ZNF567: variants seen among roughly 807,000 people sequenced by gnomAD.
ZNF567 encodes zinc finger protein 567.
In ZNF567, 36 loss-of-function variants were observed where a neutral mutation model predicts 53.9. The ratio of observed to expected loss-of-function variants is 0.67; its 90% confidence interval spans 0.51 to 0.88. The LOEUF is 0.88. Ranked by LOEUF, ZNF567 falls within the 40% of genes least tolerant of loss-of-function variation. The pLI is 0.00. For missense variants in ZNF567, 619 were observed against 764.7 expected (o/e 0.81, Z 2.25); for synonymous variants, 224 against 260.4 (o/e 0.86, Z 1.35).
At chr19:36,714,538 C>T in intron 5 of ZNF567, 1 of 398,178 alleles carries the variant, frequency 2.5e-6, no homozygotes, top group Non-Finnish European at 4.4e-6. Flanking sequence ...TGGTCCTCTC[C>T]TTACTTACTT....
In ZNF567 at chr19:36,712,850, C is replaced by T. The variant is rs201366354; in HGVS notation, c.206C>T (p.Ala69Val). The T allele has an allele frequency of 3.1e-6, 5 of 1,613,914 alleles. No individual in the cohort carries two copies. The Admixed American group carries it at 5.0e-5, about 16-fold the overall frequency. ...ERGEEPWTSF[A>V]GHTCLEENWK... ...GGAGAAGAGCCATGGACATCATTTG[C>T]AGGTCATACCTGCTTGGGTGAGTTT... The change falls in exon 5 of 6, where the codon GCA becomes GTA. Residue 69 changes from alanine (A) to valine (V), a missense_variant. Physicochemically the swap from Ala to Val is moderately conservative, Grantham distance 64. Transcript: ENST00000682579.
chr19:36,706,681 GT>G (rs1261282909), intron 3 of ZNF567, among the ~76,000 whole-genome samples: 2 of 85,774 alleles, frequency 2.3e-5, no homozygotes, highest in African/African-American at 5.2e-5. Flanking sequence ...TTTTTTTTTT[GT>G]TTTTTTTTTG....
At chr19:36,715,210 G>A (rs1351154198) in intron 5 of ZNF567, among the ~76,000 whole-genome samples, 1 of 151,696 alleles carries the variant, frequency 6.6e-6, no homozygotes, top group Non-Finnish European at 1.5e-5. Context: ...ACCCAGGCTG[G>A]AGTGCAGTGG....
At chr19:36,726,841 C>G (rs1358093776), downstream of ZNF567, among the ~76,000 whole-genome samples, 3 of 152,108 alleles carry the variant, frequency 2.0e-5, no homozygotes, top group African/African-American at 7.2e-5. Context: ...CACAGTCTTC[C>G]TGAAACCATC....
chr19:36,715,593 G>A (rs375816204), intron 5 of ZNF567, among the ~76,000 whole-genome samples: 32 of 148,222 alleles, frequency 2.2e-4, no homozygotes, highest in East Asian at 1.4e-3. Context: ...GCAATGGCTC[G>A]ATCTCGACTC....
At chr19:36,687,660 C>T (rs1401072732) in intron 1 of ZNF567, 26 bp downstream of exon 1, 4 of 152,638 alleles carry the variant, frequency 2.6e-5, no homozygotes, top group South Asian at 4.1e-4. Flanking sequence ...CCCGCGGGCG[C>T]GGAGAAGGCG....
chr19:36,720,468 A>G lies in ZNF567; in HGVS notation c.1744A>G (p.Thr582Ala). ...GTCATATCTCATTCATCATCAAAGA[A>G]CTCATACGGGAGAGAAACCATATAA... ...RKSYLIHHQR[T>A]HTGEKPYKCS... Residue 582 changes from threonine to alanine, a missense_variant, in exon 6 of 6, where the codon ACT becomes GCT. Coordinates refer to ENST00000682579, the MANE Select transcript of ZNF567 (RefSeq NM_001322917.1). 6.2e-7 allele frequency: 1 copy of G among 1,613,906 alleles called. No homozygotes were observed. The highest frequency in any genetic ancestry group is 1.1e-5 in the South Asian group (1 of 91,070).
chr19:36,696,939 C>A (rs2038918248), intron 3 of ZNF567, among the ~76,000 whole-genome samples: 1 of 152,122 alleles, frequency 6.6e-6, no homozygotes, highest in Non-Finnish European at 1.5e-5. Context: ...TTCTTCATTT[C>A]ACATAGAAAT....
Position 36,712,856 on chromosome 19 carries a change from A to G in ZNF567, c.212A>G (p.His71Arg), listed in dbSNP as rs760121019. The G allele has an allele frequency of 1.9e-6, 3 of 1,613,754 alleles. No homozygotes were observed. The South Asian group carries it at 3.3e-5, about 18-fold the overall frequency. Residue 71 changes from histidine (H) to arginine (R), a missense_variant, in exon 5 of 6, where the codon CAT becomes CGT. Transcript: ENST00000682579. ...GEEPWTSFAGHTCLEENWKAE... is the reference protein window; with the variant it reads ...GEEPWTSFAGRTCLEENWKAE... ...GAGCCATGGACATCATTTGCAGGTC[A>G]TACCTGCTTGGGTGAGTTTCTGGCT...
intron 3 of ZNF567, among the ~76,000 whole-genome samples, chr19:36,708,258 T>G (rs1338572312): frequency 2.0e-5 from 3 of 152,196 alleles, no homozygotes; most frequent in African/African-American, 7.2e-5. Context: ...TTTTTTTCCC[T>G]CATGAATATT....
intron 3 of ZNF567, among the ~76,000 whole-genome samples, chr19:36,702,494 C>T (rs2039252826): frequency 6.6e-6 from 1 of 152,028 alleles, no homozygotes; most frequent in Non-Finnish European, 1.5e-5. Flanking sequence ...TGGGGAAGTT[C>T]TCCTGGATAA....
intron 3 of ZNF567, chr19:36,711,456 A>T (rs1286558994): frequency 6.6e-6 from 1 of 152,200 alleles, no homozygotes; most frequent in Non-Finnish European, 1.5e-5. Flanking sequence ...TGTACATTGC[A>T]GTTGCTATCC....
chr19:36,710,836 G>A (rs1482141146), intron 3 of ZNF567, among the ~76,000 whole-genome samples: 1 of 152,124 alleles, frequency 6.6e-6, no homozygotes, highest in Admixed American at 6.6e-5. Context: ...GCAGGTTGTG[G>A]AATACCATCA....
chr19:36,698,886 A>T (rs1003607768), intron 3 of ZNF567, among the ~76,000 whole-genome samples: 9 of 152,122 alleles, frequency 5.9e-5, no homozygotes, highest in African/African-American at 2.2e-4. Flanking sequence ...GTTCTCTCTG[A>T]TGGTAGTTTC....
chr19:36,677,582 C>CATG, the ZNF567 span, among the ~76,000 whole-genome samples: 3 of 150,124 alleles, frequency 2.0e-5, no homozygotes, highest in East Asian at 4.0e-4. Context: ...GCATGGCCAA[C>CATG]ATGTCGAAAC....
chr19:36,670,289 TC>T, the ZNF567 span, among the ~76,000 whole-genome samples: 1 of 152,046 alleles, frequency 6.6e-6, no homozygotes, highest in African/African-American at 2.4e-5. Flanking sequence ...ACCGGCAGAA[TC>T]CCCACATTGA....
chr19:36,720,200 C>T lies in ZNF567; in HGVS notation c.1476C>T (p.Leu492=). The T allele has an allele frequency of 6.2e-7, 1 of 1,614,086 alleles. No individual in the cohort carries two copies. Among genetic ancestry groups the T allele is most frequent in the Non-Finnish European group, 8.5e-7 (1 of 1,180,024 alleles). Residue 492 remains leucine (L), a synonymous_variant, in exon 6 of 6, where the codon CTC becomes CTT. Transcript: ENST00000682579. ...AGGCCTTTAGAATGAAGTCATACCT[C>T]ATTGATCATCACCGAACTCACACAG... ...CGKAFRMKSY[L]IDHHRTHTGE...
At chr19:36,671,955 C>T in the ZNF567 span, among the ~76,000 whole-genome samples, 56,793 of 152,156 alleles carry the variant, frequency 0.37, 10,869 homozygotes, top group East Asian at 0.6. Context: ...AGCCCATCGT[C>T]CCCCCTCTTG....
the ZNF567 span, among the ~76,000 whole-genome samples, chr19:36,667,763 C>G: frequency 0.29 from 43,866 of 149,596 alleles, 6,225 homozygotes; most frequent in African/African-American, 0.33. Context: ...CATTCTCCTG[C>G]CTCAGCCTCC....
Sources: allele counts gnomAD v4.1 joint callset (sites outside exome capture counted in the v4.1 genomes callset), GRCh38; gene constraint gnomAD v4.1.1; transcripts MANE v1.5; gene names NCBI Gene and HGNC (gene_info 2026-07-23, HGNC 2026-07-21).